The following MCM3AP variants were observed in gnomAD, a reference collection of about 807,000 sequenced individuals.
The protein encoded by MCM3AP is germinal-center associated nuclear protein.
MCM3AP carries 126 observed loss-of-function variants against 184.1 expected under a neutral mutation model. The observed-to-expected ratio is 0.68, with a 90% CI of 0.59 to 0.79. The LOEUF (loss-of-function observed/expected upper bound fraction) is 0.79, where lower values mean the gene tolerates loss of function less well. Ranked by LOEUF, MCM3AP falls within the 30% of genes least tolerant of loss-of-function variation. MCM3AP has a pLI of 0.00. For synonymous variants in MCM3AP, 1,002 were observed against 979.3 expected (o/e 1.02, Z -0.43); for missense variants, 2,496 against 2,479.2 (o/e 1.01, Z -0.14).
At chr21:46,282,239 C>G (rs1167100056) in intron 2 of MCM3AP, among the ~76,000 whole-genome samples, 1 of 151,944 alleles carries the variant, frequency 6.6e-6, no homozygotes, top group African/African-American at 2.4e-5. Context: ...AGAATATACC[C>G]CAAAAAACTG....
At chr21:46,254,296 C>T in intron 19 of MCM3AP, 96 bp downstream of exon 19, 1 of 1,327,128 alleles carries the variant, frequency 7.5e-7, no homozygotes, top group Non-Finnish European at 1.1e-6. Flanking sequence ...CTTCCGAGTT[C>T]CCATCACACA....
In MCM3AP at chr21:46,273,419, A is replaced by C; in HGVS notation, c.2165T>G (p.Phe722Cys). The change falls in exon 7 of 28, where the codon TTC (phenylalanine) becomes TGC (cysteine). Residue 722 changes from phenylalanine to cysteine, a missense_variant. Transcript: ENST00000291688. ...TATGCCACGCGTGCGGTTCCACACGAAGTCATACCAATCCCGCAGGCTGCC... is the reference window on the plus strand; with the variant it reads ...TATGCCACGCGTGCGGTTCCACACGCAGTCATACCAATCCCGCAGGCTGCC... ...KEGSLRDWYDFVWNRTRGIRK... is the reference protein window; with the variant it reads ...KEGSLRDWYDCVWNRTRGIRK... The C allele has an allele frequency of 6.2e-7, 1 of 1,614,038 alleles. No individual in the cohort carries two copies. The highest frequency in any genetic ancestry group is 8.5e-7 in the Non-Finnish European group (1 of 1,179,882).
At position 46,280,595 on chromosome 21, in the gene MCM3AP, C is replaced by A. The variant is rs924346657; in HGVS notation, c.1444-20G>T. 2 of 1,559,274 alleles carry A rather than the reference C, an allele frequency of 1.3e-6. No individual in the cohort carries two copies. Among genetic ancestry groups the A allele is most frequent in the Non-Finnish European group, 8.8e-7 (1 of 1,132,656 alleles). On this transcript the variant is annotated intron_variant, in intron 2 of 27. Transcript: ENST00000291688. ...AGATGCCTGGAAAACAGTCCACAAC[C>A]GCCATGTGTGAGTATATCAGGAAAC...
chr21:46,238,943 T>G (rs958126250), intron 26 of MCM3AP, among the ~76,000 whole-genome samples: 3 of 152,186 alleles, frequency 2.0e-5, no homozygotes, highest in African/African-American at 7.2e-5. Flanking sequence ...GAAACATGGT[T>G]TGAAGATGAG....
chr21:46,249,297 C>A (rs2080831334), intron 20 of MCM3AP, among the ~76,000 whole-genome samples: 1 of 152,174 alleles, frequency 6.6e-6, no homozygotes, highest in Non-Finnish European at 1.5e-5. Context: ...AAGCAATCTT[C>A]CCACCTCAGC....
chr21:46,240,608 T>A (rs1211269249), intron 26 of MCM3AP, among the ~76,000 whole-genome samples: 1 of 152,198 alleles, frequency 6.6e-6, no homozygotes, highest in East Asian at 1.9e-4. Context: ...TTCACTTCAA[T>A]ATAAACAGTT....
chr21:46,256,744 G>C (rs757097155), intron 17 of MCM3AP, 45 bp downstream of exon 17: 4 of 1,526,364 alleles, frequency 2.6e-6, no homozygotes, highest in Admixed American at 2.0e-5. Flanking sequence ...AAAACCAAGT[G>C]GGGGCAGGGG....
chr21:46,250,468 C>G (rs2080851893), intron 20 of MCM3AP: 1 of 152,250 alleles, frequency 6.6e-6, no homozygotes, highest in Non-Finnish European at 1.5e-5. Context: ...ACAAAAGCAA[C>G]AGGATGTCAC....
At chr21:46,244,560 C>T in intron 23 of MCM3AP, 1 of 531,998 alleles carries the variant, frequency 1.9e-6, no homozygotes, top group East Asian at 3.1e-5. Flanking sequence ...GCTGAGTGAA[C>T]TCCCATGGAC....
chr21:46,284,639 A>G lies in MCM3AP; in HGVS notation c.648T>C (p.Asn216=). 1.9e-6 allele frequency: 3 copies of G among 1,614,176 alleles called. No homozygotes were observed. Among genetic ancestry groups the G allele is most frequent in the South Asian group, 2.2e-5 (2 of 91,090 alleles). ...CAGGGGTAAAGGCAGATAATGAATT[A>G]TTACTACTAACAGGTTTTGAAAAGG... The part of the protein sequence containing the change: ...NFTFSKPVSS[N]NSLSAFTPAL... Residue 216 remains asparagine (N), a synonymous_variant, in exon 1 of 28, where the codon AAT becomes AAC. Coordinates refer to ENST00000291688, the MANE Select transcript of MCM3AP (RefSeq NM_003906.5).
At chr21:46,237,418 T>A (rs915303916) in intron 26 of MCM3AP, among the ~76,000 whole-genome samples, 8 of 151,948 alleles carry the variant, frequency 5.3e-5, no homozygotes, top group South Asian at 2.1e-4. Context: ...TATTATTATT[T>A]TTTTTTGACA....
chr21:46,249,647 G>A (rs1001537728), intron 20 of MCM3AP: 13 of 448,296 alleles, frequency 2.9e-5, no homozygotes, highest in Non-Finnish European at 4.9e-5. Context: ...AATTCCCCTC[G>A]CATGACATAT....
intron 23 of MCM3AP, 137 bp from the exon 24 acceptor site, chr21:46,243,859 G>A: frequency 1.2e-6 from 1 of 816,704 alleles, no homozygotes; most frequent in Non-Finnish European, 1.9e-6. Context: ...CACAGTTGTT[G>A]AGGGGGAAGA....
In MCM3AP at chr21:46,246,985, C is replaced by T. The variant is rs17183213; in HGVS notation, c.4291-99G>A. ...AAGTGCAGCCAAAGCTCTCCGTGCACTAAATACTGACTGTACTCCAGACAG... is the reference window on the plus strand; with the variant it reads ...AAGTGCAGCCAAAGCTCTCCGTGCATTAAATACTGACTGTACTCCAGACAG... On this transcript the variant is annotated intron_variant, in intron 20 of 27. Coordinates refer to ENST00000291688, the MANE Select transcript of MCM3AP (RefSeq NM_003906.5). 6.3e-3 allele frequency: 8,024 copies of T among 1,280,778 alleles called. 316 individuals are homozygous for T. In the South Asian group the frequency reaches 0.078, roughly 12 times the overall value. 79.3% of individuals were successfully genotyped at this position (1,280,778 alleles called of 1,614,324 possible).
At position 46,275,204 on chromosome 21, in the gene MCM3AP, C is replaced by T. The variant is rs2081240420; in HGVS notation, c.1980G>A (p.Val660=). The T allele has an allele frequency of 3.7e-6, 6 of 1,613,778 alleles. No homozygotes were observed. Among genetic ancestry groups the T allele is most frequent in the Non-Finnish European group, 5.1e-6 (6 of 1,179,882 alleles). ...GCTCTACCTGGTCAGTCCCTGGGACCACTTCGAACACGCTCAGCTGGCTAC... is the reference window on the plus strand; with the variant it reads ...GCTCTACCTGGTCAGTCCCTGGGACTACTTCGAACACGCTCAGCTGGCTAC... ...ETRSQLSVFE[V]VPGTDQVDHA... is the part of the protein sequence containing the mutation. Residue 660 remains valine, a synonymous_variant, in exon 6 of 28, where the codon GTG becomes GTA. Coordinates refer to ENST00000291688, the MANE Select transcript of MCM3AP (RefSeq NM_003906.5).
At chr21:46,283,366 G>C (rs551019639) in intron 2 of MCM3AP, among the ~76,000 whole-genome samples, 37 of 152,306 alleles carry the variant, frequency 2.4e-4, no homozygotes, top group African/African-American at 8.7e-4. Context: ...AATTTCTAAA[G>C]CCTTTCAGAA....
intron 24 of MCM3AP, 63 bp downstream of exon 24, chr21:46,243,402 T>G (rs905631101): frequency 1.2e-5 from 18 of 1,521,160 alleles, no homozygotes; most frequent in Non-Finnish European, 1.6e-5. Context: ...CATCTTCCTT[T>G]GCAGAAACTG....
rs1199109411 is a variant in MCM3AP at position 46,273,506 on chromosome 21, G to A, written c.2078C>T (p.Pro693Leu). ...CATGGTCCTGCTGAGCACTGGCAAG[G>A]GCCGCAGCTCGTGGGGCAGGGGCTC... Reference protein sequence around the residue: ...QEEPLPHELRPLPVLSRTMDY... With the variant: ...QEEPLPHELRLLPVLSRTMDY... The change falls in exon 7 of 28, where the codon CCC becomes CTC. Residue 693 changes from proline to leucine, a missense_variant. Pro to Leu is a moderately conservative substitution (Grantham distance 98, BLOSUM62 -3). Transcript: ENST00000291688. 5.6e-6 allele frequency: 9 copies of A among 1,613,708 alleles called. No individual in the cohort carries two copies. The highest frequency in any genetic ancestry group is 7.6e-6 in the Non-Finnish European group (9 of 1,179,854).
chr21:46,273,571 T>G lies in MCM3AP; in HGVS notation c.2013A>C (p.Ala671=). ...VPGTDQVDHA[A]AVKEYSRSSA... ...AGGACCGACTGTACTCTTTCACAGC[T>G]GCTGCGTGGTCCACCTAGAGACATG... The change falls in exon 7 of 28, where the codon GCA becomes GCC. Residue 671 remains alanine (A), a synonymous_variant. Transcript: ENST00000291688. The G allele has an allele frequency of 6.2e-7, 1 of 1,613,760 alleles. No homozygotes were observed. The highest frequency in any genetic ancestry group is 8.5e-7 in the Non-Finnish European group (1 of 1,179,838).
Sources: allele counts gnomAD v4.1 joint callset (sites outside exome capture counted in the v4.1 genomes callset), GRCh38; gene constraint gnomAD v4.1.1; transcripts MANE v1.5; gene names NCBI Gene and HGNC (gene_info 2026-07-23, HGNC 2026-07-21).